Variants in RNF34 observed in about 807,000 individuals in gnomAD.
The protein encoded by RNF34 is E3 ubiquitin-protein ligase RNF34.
A neutral mutation model predicts 37.9 loss-of-function variants in RNF34; 12 were observed. The observed-to-expected ratio is 0.32, with a 90% confidence interval of 0.20 to 0.51. The LOEUF (loss-of-function observed/expected upper bound fraction) is 0.51, where lower values mean the gene tolerates loss of function less well. RNF34 is among the 20% of genes least tolerant of loss of function. The pLI, the probability that RNF34 is intolerant of heterozygous loss-of-function variation, is 0.97. For synonymous variants in RNF34, 155 were observed against 177.2 expected (o/e 0.87, Z 1.00); for missense variants, 362 against 472.7 (o/e 0.77, Z 2.17).
intron 1 of RNF34, among the ~76,000 whole-genome samples, chr12:121,411,318 GT>G (rs1871035671): frequency 6.6e-6 from 1 of 151,968 alleles, no homozygotes; most frequent in Non-Finnish European, 1.5e-5. Context: ...TCCCTTCCTT[GT>G]ATAGAAACGT....
Position 121,423,982 on chromosome 12 carries a change from T to G in RNF34, c.*406T>G, listed in dbSNP as rs1872379838. ...TTTGGATGAGATCAGTGTCCACAAG[T>G]GGCCGACATGGAACATGCTGAGCAG... On this transcript the variant is annotated 3_prime_UTR_variant, in exon 6 of 6. Transcript: ENST00000361234. This position sits in a 1 kb window ranked among gnomAD's most constrained non-coding sequence, Gnocchi z 4.3. The G allele has an allele frequency of 1.2e-5, 2 of 160,840 alleles. No homozygotes were observed. 10.0% of individuals were successfully genotyped at this position (160,840 alleles called of 1,614,324 possible).
rs781874488 is a variant in RNF34, at chr12:121,424,213, T to G, written c.*637T>G. ...TTTATAGCAAGGGCTGCATCTAGCT[T>G]CTTTTATTAGAAGTGTGTGTGCTAA... is the stretch of plus-strand genomic sequence containing the variant. On this transcript the variant is annotated 3_prime_UTR_variant, in exon 6 of 6. Coordinates refer to ENST00000361234, the MANE Select transcript of RNF34 (RefSeq NM_025126.4). 5 of 152,848 alleles carry G rather than the reference T, an allele frequency of 3.3e-5. No homozygotes were observed. The highest frequency in any genetic ancestry group is 4.4e-5 in the Non-Finnish European group (3 of 68,066). 9.5% of individuals were successfully genotyped at this position (152,848 alleles called of 1,614,324 possible).
At chr12:121,405,003 A>G (rs1325477270) in intron 1 of RNF34, 3 of 152,224 alleles carry the variant, frequency 2.0e-5, no homozygotes, top group Non-Finnish European at 4.4e-5. Context: ...TGTTGACTGT[A>G]ATGATGTTTC....
chr12:121,422,586 T>C (rs2137200363), intron 5 of RNF34, among the ~76,000 whole-genome samples: 1 of 152,328 alleles, frequency 6.6e-6, no homozygotes, highest in Middle Eastern at 3.4e-3. Context: ...ACATTTCTCT[T>C]AAATCTAGAG....
At chr12:121,407,902 C>T (rs1307073487) in intron 1 of RNF34, among the ~76,000 whole-genome samples, 1 of 151,664 alleles carries the variant, frequency 6.6e-6, no homozygotes, top group African/African-American at 2.4e-5. Flanking sequence ...ATATGTTCCC[C>T]CCATCCCTTG....
Position 121,417,579 on chromosome 12 carries a change from A to G in RNF34, c.301A>G (p.Thr101Ala). 1.2e-6 allele frequency: 2 copies of G among 1,614,076 alleles called. No individual in the cohort carries two copies. The highest frequency in any genetic ancestry group is 1.7e-6 in the Non-Finnish European group (2 of 1,179,880). Residue 101 changes from threonine (T) to alanine (A), a missense_variant, in exon 3 of 6, where the codon ACT becomes GCT. Thr to Ala is a moderately conservative substitution (Grantham distance 58). Transcript: ENST00000361234. This position sits in a 1 kb window ranked among gnomAD's most constrained non-coding sequence, Gnocchi z 5.0. Reference sequence around the variant, plus strand: ...ACAAGAAAATCTCCGTAGATGTTCTACTTGTCACTTATTACAAGAGACAGC... The same window carrying G: ...ACAAGAAAATCTCCGTAGATGTTCTGCTTGTCACTTATTACAAGAGACAGC... ...VLQENLRRCS[T>A]CHLLQETAFQ...
chr12:121,418,487 T>C (rs1871787452), intron 3 of RNF34: 1 of 152,376 alleles, frequency 6.6e-6, no homozygotes. Flanking sequence ...CGTGAGTGAT[T>C]CTAAACTGCT....
At chr12:121,404,387 C>CTTTTTTTTTTTTTTTTTTTTTTTTTTTT in intron 1 of RNF34, among the ~76,000 whole-genome samples, 1 of 65,824 alleles carries the variant, frequency 1.5e-5, no homozygotes, top group Non-Finnish European at 2.4e-5. Context: ...GTCATTTAAT[C>CTTTTTTTTTTTTTTTTTTTTTTTTTTTT]TTTTTTTTTT....
At chr12:121,416,979 TA>T (rs775441979) in intron 2 of RNF34, among the ~76,000 whole-genome samples, 6 of 152,260 alleles carry the variant, frequency 3.9e-5, no homozygotes, top group Non-Finnish European at 1.5e-5. Context: ...GTGCCCTCTT[TA>T]AGCTTCTCTA....
At chr12:121,421,388 A>AC (rs1566236116) in intron 5 of RNF34, among the ~76,000 whole-genome samples, 34 of 150,030 alleles carry the variant, frequency 2.3e-4, no homozygotes, top group Admixed American at 1.7e-3. Context: ...AAAAAAAAAA[A>AC]AAAAAAAAAA....
chr12:121,418,948 C>G lies in RNF34; in HGVS notation c.633+1037C>G, dbSNP rs956084680. 3.9e-5 allele frequency among the ~76,000 whole-genome samples: 6 copies of G among 152,302 alleles called. No homozygotes were observed. The East Asian group carries it at 1.2e-3, about 29-fold the overall frequency. Reference sequence around the variant, plus strand: ...TCTCGAATACCTGACCTCAGGTTATCTACCTGCCTTGGCCTAAGTGCTAAG... The same window carrying G: ...TCTCGAATACCTGACCTCAGGTTATGTACCTGCCTTGGCCTAAGTGCTAAG... On this transcript the variant is annotated intron_variant, in intron 3 of 5. Coordinates refer to ENST00000361234, the MANE Select transcript of RNF34 (RefSeq NM_025126.4).
chr12:121,412,080 G>T (rs993286615), intron 1 of RNF34, among the ~76,000 whole-genome samples: 5 of 151,890 alleles, frequency 3.3e-5, no homozygotes, highest in Middle Eastern at 3.4e-3. Context: ...AATTTTTTTT[G>T]AGATGGAGTC....
chr12:121,413,129 G>A (rs1372476328), intron 1 of RNF34, among the ~76,000 whole-genome samples: 2 of 142,642 alleles, frequency 1.4e-5, no homozygotes, highest in South Asian at 2.2e-4. Flanking sequence ...CGGTTCAAGC[G>A]ATTCTCCTGC....
intron 4 of RNF34, 106 bp from the exon 5 acceptor site, chr12:121,420,471 A>G: frequency 6.4e-7 from 1 of 1,565,900 alleles, no homozygotes; most frequent in Non-Finnish European, 8.7e-7. Context: ...AAACACTTCT[A>G]GGACTGCTGA....
At chr12:121,419,278 A>G (rs1326899770) in intron 3 of RNF34, among the ~76,000 whole-genome samples, 1 of 152,226 alleles carries the variant, frequency 6.6e-6, no homozygotes, top group Non-Finnish European at 1.5e-5. Flanking sequence ...CATGCCCTAT[A>G]GCCTAGGTGT....
intron 1 of RNF34, among the ~76,000 whole-genome samples, chr12:121,413,494 C>T (rs1001727513): frequency 3.5e-4 from 52 of 146,954 alleles, no homozygotes; most frequent in South Asian, 8.7e-4. Context: ...TCACTGCACC[C>T]TCCGCCTCCT....
In RNF34 at chr12:121,420,296, G is replaced by C; in HGVS notation, c.688G>C (p.Glu230Gln). ...AGAAGATGATGATGACGACGATGAT[G>C]AGGATGATGATGATGAAGAAGAAAA... ...NTEDDDDDDD[E>Q]DDDDEEENAE... The change falls in exon 4 of 6, where the codon GAG (glutamate) becomes CAG (glutamine). Residue 230 changes from glutamate (E) to glutamine (Q), a missense_variant. By Grantham distance (29) the Glu-to-Gln change is conservative. Transcript: ENST00000361234. The C allele has an allele frequency of 6.3e-7, 1 of 1,588,854 alleles. No individual in the cohort carries two copies. Among genetic ancestry groups the C allele is most frequent in the East Asian group, 2.3e-5 (1 of 43,196 alleles).
intron 2 of RNF34, among the ~76,000 whole-genome samples, chr12:121,416,991 G>C (rs1555282279): frequency 6.6e-6 from 1 of 152,242 alleles, no homozygotes; most frequent in African/African-American, 2.4e-5. Context: ...AGCTTCTCTA[G>C]TGGCAAGGCT....
At chr12:121,421,847 C>A (rs1872197751) in intron 5 of RNF34, among the ~76,000 whole-genome samples, 1 of 152,162 alleles carries the variant, frequency 6.6e-6, no homozygotes, top group Admixed American at 6.5e-5. Flanking sequence ...AACAGCCCTC[C>A]CATCATTAAC....
Sources: allele counts gnomAD v4.1 joint callset (sites outside exome capture counted in the v4.1 genomes callset), GRCh38; gene constraint gnomAD v4.1.1; non-coding constraint Gnocchi (gnomAD v3.1); transcripts MANE v1.5; gene names NCBI Gene and HGNC (gene_info 2026-07-23, HGNC 2026-07-21).